FARS2: variants seen among roughly 807,000 people sequenced by gnomAD.
FARS2 encodes the protein phenylalanyl-tRNA synthetase 2, mitochondrial, also known as phenylalanine--tRNA ligase, mitochondrial.
A neutral mutation model predicts 46.4 loss-of-function variants in FARS2; 40 were observed. The observed-to-expected ratio is 0.86, with a 90% CI of 0.67 to 1.12. FARS2 has a LOEUF of 1.12. FARS2 is among the 50% of genes most tolerant of loss of function. The pLI, the probability that FARS2 is intolerant of heterozygous loss-of-function variation, is 0.00. For missense variants in FARS2, 513 were observed against 567.9 expected (o/e 0.90, Z 0.98); for synonymous variants, 234 against 214.9 (o/e 1.09, Z -0.78).
At chr6:5,584,825 T>C (rs1773528300) in intron 5 of FARS2, among the ~76,000 whole-genome samples, 2 of 152,260 alleles carry the variant, frequency 1.3e-5, no homozygotes, top group African/African-American at 2.4e-5. Flanking sequence ...AATGCATAAT[T>C]AGAAACCAGA....
At chr6:5,698,118 A>G (rs758592459) in intron 6 of FARS2, among the ~76,000 whole-genome samples, 1 of 152,202 alleles carries the variant, frequency 6.6e-6, no homozygotes, top group Non-Finnish European at 1.5e-5. Context: ...TCTTACTCAC[A>G]AGGTTTATTA....
chr6:5,728,429 A>T (rs1760409653), intron 6 of FARS2, among the ~76,000 whole-genome samples: 1 of 152,148 alleles, frequency 6.6e-6, no homozygotes, highest in South Asian at 2.1e-4. Context: ...TGACGCTAAA[A>T]TGACTGTTTA....
chr6:5,340,914 G>A (rs1042522196), intron 1 of FARS2, among the ~76,000 whole-genome samples: 6 of 151,840 alleles, frequency 4.0e-5, no homozygotes, highest in Non-Finnish European at 8.8e-5. Context: ...TTGGGAGGCC[G>A]AGGCGGGCGG....
chr6:5,764,477 G>A lies in FARS2; in HGVS notation c.1218-6814G>A, dbSNP rs1167690062. Among the ~76,000 whole-genome samples the A allele has an allele frequency of 6.6e-6, 1 of 152,154 alleles. No individual in the cohort carries two copies. The highest frequency in any genetic ancestry group is 1.5e-5 in the Non-Finnish European group (1 of 68,032). On this transcript the variant is annotated intron_variant, in intron 6 of 6. Transcript: ENST00000274680. The surrounding 1 kb of genome is among the most constrained non-coding windows in gnomAD (Gnocchi z 4.1). Reference sequence around the variant, plus strand: ...CCTCTGACGTGGGCAGCTCCAGACTGAGCTTCTGCATCAGACAAGCAGGAG... The same window carrying A: ...CCTCTGACGTGGGCAGCTCCAGACTAAGCTTCTGCATCAGACAAGCAGGAG...
intron 1 of FARS2, among the ~76,000 whole-genome samples, chr6:5,276,342 C>G (rs2145373): frequency 6.6e-6 from 1 of 151,950 alleles, no homozygotes; most frequent in Non-Finnish European, 1.5e-5. Flanking sequence ...GGTTTTTTCA[C>G]ATCATTTTAG....
intron 6 of FARS2, among the ~76,000 whole-genome samples, chr6:5,641,882 A>G (rs889055299): frequency 8.5e-5 from 13 of 152,190 alleles, no homozygotes; most frequent in African/African-American, 1.9e-4. Flanking sequence ...CTCCACGGTC[A>G]TCATCCTTGG....
chr6:5,444,097 G>T (rs1239234976), intron 4 of FARS2, among the ~76,000 whole-genome samples: 1 of 146,618 alleles, frequency 6.8e-6, no homozygotes, highest in Non-Finnish European at 1.5e-5. Flanking sequence ...ATCCTCGTGT[G>T]TGTGTGTGTG....
At chr6:5,755,362 C>G (rs1421186369) in intron 6 of FARS2, among the ~76,000 whole-genome samples, 1 of 152,118 alleles carries the variant, frequency 6.6e-6, no homozygotes, top group Non-Finnish European at 1.5e-5. Context: ...TTGAGAGACC[C>G]TGGTATGTGA....
At chr6:5,577,906 A>T (rs1004076985) in intron 5 of FARS2, among the ~76,000 whole-genome samples, 7 of 152,044 alleles carry the variant, frequency 4.6e-5, no homozygotes, top group Non-Finnish European at 1.0e-4. Context: ...GGTTCACGCC[A>T]TTCTCCTGCC....
At chr6:5,502,577 A>T (rs191319917) in intron 4 of FARS2, among the ~76,000 whole-genome samples, 41 of 152,362 alleles carry the variant, frequency 2.7e-4, no homozygotes, top group African/African-American at 8.9e-4. Flanking sequence ...TTTCTAAAAG[A>T]AAGAAATCTA....
At chr6:5,309,720 A>G (rs900042965) in intron 1 of FARS2, among the ~76,000 whole-genome samples, 2 of 151,986 alleles carry the variant, frequency 1.3e-5, no homozygotes, top group African/African-American at 4.8e-5. Context: ...GGAAAAAGGA[A>G]CAGGTTAGAA....
At chr6:5,425,322 A>G (rs1191461020) in intron 3 of FARS2, among the ~76,000 whole-genome samples, 1 of 152,234 alleles carries the variant, frequency 6.6e-6, no homozygotes, top group Non-Finnish European at 1.5e-5. Context: ...ATCTTTAAAT[A>G]CAAACGGTAT....
intron 6 of FARS2, among the ~76,000 whole-genome samples, chr6:5,747,039 A>G (rs568236374): frequency 2.7e-4 from 41 of 152,346 alleles, no homozygotes; most frequent in African/African-American, 9.6e-4. Flanking sequence ...TGGGAAGAGC[A>G]TTCTAGACAG....
chr6:5,317,609 C>T (rs112110308), intron 1 of FARS2, among the ~76,000 whole-genome samples: 1,661 of 151,822 alleles, frequency 0.011, 37 homozygotes, highest in African/African-American at 0.038. Context: ...GGCAAAACCC[C>T]ATCTCTACAA....
At chr6:5,706,870 G>C (rs1241163870) in intron 6 of FARS2, among the ~76,000 whole-genome samples, 1 of 152,242 alleles carries the variant, frequency 6.6e-6, no homozygotes, top group East Asian at 1.9e-4. Context: ...TGTGGTCTGA[G>C]AAATTTCGAG....
chr6:5,456,754 G>T (rs1259750672), intron 4 of FARS2, among the ~76,000 whole-genome samples: 1 of 96,858 alleles, frequency 1.0e-5, no homozygotes, highest in Non-Finnish European at 2.2e-5. Flanking sequence ...AAAAAGAGAT[G>T]GGCAGGGTCA....
chr6:5,470,487 G>A (rs1399151401), intron 4 of FARS2, among the ~76,000 whole-genome samples: 3 of 152,142 alleles, frequency 2.0e-5, no homozygotes, highest in South Asian at 2.1e-4. Flanking sequence ...CACCAAACTC[G>A]TATTTCCAGA....
intron 3 of FARS2, among the ~76,000 whole-genome samples, chr6:5,423,129 T>C (rs1245234660): frequency 3.3e-5 from 5 of 152,140 alleles, no homozygotes; most frequent in African/African-American, 9.7e-5. Context: ...CTGTTTACAA[T>C]GCCTCTCTGT....
intron 5 of FARS2, among the ~76,000 whole-genome samples, chr6:5,582,730 C>A (rs796789705): frequency 2.0e-5 from 3 of 152,258 alleles, no homozygotes; most frequent in African/African-American, 7.2e-5. Context: ...CAGATTTCAC[C>A]AAATTAAAAA....
Sources: gnomAD v4.1 joint callset for allele counts (sites outside exome capture counted in the v4.1 genomes callset) on GRCh38, gnomAD v4.1.1 for gene constraint, Gnocchi (gnomAD v3.1) non-coding constraint, MANE v1.5 for transcripts, NCBI Gene and HGNC (gene_info 2026-07-23, HGNC 2026-07-21) for gene names.